APCDD1L: variants seen among roughly 807,000 people sequenced by gnomAD.
APCDD1L encodes the protein APC down-regulated 1 like.
A neutral mutation model predicts 24.2 loss-of-function variants in APCDD1L; 21 were observed. The ratio of observed to expected loss-of-function variants is 0.87; its 90% CI spans 0.61 to 1.25. The LOEUF is 1.25. Among genes scored for constraint, APCDD1L ranks in the 50% most tolerant of loss-of-function variants. The probability of loss-of-function intolerance (pLI) is 0.00; values close to 1 mark genes in which losing one functional copy is unlikely to be tolerated. For synonymous variants in APCDD1L, 321 were observed against 323.6 expected, an observed-to-expected ratio of 0.99 and a Z score of 0.09; for missense variants, 704 against 711.7, an observed-to-expected ratio of 0.99 and a Z score of 0.12.
chr20:58,499,682 C>T lies in APCDD1L; in HGVS notation c.49+14977G>A, dbSNP rs1438706180. Reference sequence around the variant, plus strand: ...CTCCTGGCCCCTACCTGCTCCTGCTCTGTGGGCAATGCCCCTTCACACCCT... The same window carrying T: ...CTCCTGGCCCCTACCTGCTCCTGCTTTGTGGGCAATGCCCCTTCACACCCT... On this transcript the variant is annotated intron_variant, in intron 1 of 3. Transcript: ENST00000371149. 2.0e-5 allele frequency among the ~76,000 whole-genome samples: 3 copies of T among 152,220 alleles called. No homozygotes were observed. The East Asian group carries it at 5.8e-4, about 29-fold the overall frequency.
intron 1 of APCDD1L, among the ~76,000 whole-genome samples, chr20:58,496,266 G>A (rs1990319715): frequency 2.0e-5 from 3 of 152,332 alleles, no homozygotes; most frequent in African/African-American, 4.8e-5. Flanking sequence ...AGGGAGCCAG[G>A]CCCCAGGCAA....
At chr20:58,472,365 A>G (rs1406414602) in intron 1 of APCDD1L, among the ~76,000 whole-genome samples, 5 of 152,244 alleles carry the variant, frequency 3.3e-5, no homozygotes, top group Non-Finnish European at 7.3e-5. Context: ...AAACAGGCTC[A>G]GCTCAGAGAT....
intron 1 of APCDD1L, among the ~76,000 whole-genome samples, chr20:58,506,490 A>G (rs146217623): frequency 0.011 from 1,623 of 152,236 alleles, 17 homozygotes; most frequent in Non-Finnish European, 0.017. Context: ...TCCCACATGG[A>G]CACTCTTATC....
At chr20:58,513,199 C>T (rs1406991860) in intron 1 of APCDD1L, among the ~76,000 whole-genome samples, 5 of 152,182 alleles carry the variant, frequency 3.3e-5, no homozygotes, top group African/African-American at 9.7e-5. Context: ...CCGGTTTCCC[C>T]ATCCTGTCCT....
chr20:58,495,125 C>T (rs1990296747), intron 1 of APCDD1L, among the ~76,000 whole-genome samples: 1 of 152,176 alleles, frequency 6.6e-6, no homozygotes, highest in Non-Finnish European at 1.5e-5. Flanking sequence ...AAAGGGAGGG[C>T]TGAGGACACC....
chr20:58,459,817 C>T lies in APCDD1L; in HGVS notation c.*973G>A, dbSNP rs1002215254. ...CCAAAGATACACATTCGGAGATTCT[C>T]TTCCTTTGTCAGGCAGGCACAGGCA... On this transcript the variant is annotated 3_prime_UTR_variant, in exon 4 of 4. Transcript: ENST00000371149. 6.5e-6 allele frequency: 1 copy of T among 152,768 alleles called. No individual in the cohort carries two copies. Among genetic ancestry groups the T allele is most frequent in the Non-Finnish European group, 1.5e-5 (1 of 68,116 alleles). The allele number at this position is 152,768 out of a possible 1,614,324, so 9.5% of individuals were successfully genotyped here. A position where few individuals can be genotyped will look rare whatever the true frequency, so the allele number is the denominator to read the frequency against.
chr20:58,470,341 C>T (rs569179850), intron 2 of APCDD1L, among the ~76,000 whole-genome samples: 5 of 152,350 alleles, frequency 3.3e-5, no homozygotes, highest in African/African-American at 1.2e-4. Context: ...TGTCCCACTG[C>T]TGACCCCTGG....
chr20:58,467,476 T>C lies in APCDD1L; in HGVS notation c.371A>G (p.Glu124Gly). 1 of 1,598,516 alleles carries C rather than the reference T, an allele frequency of 6.3e-7. No homozygotes were observed. Among genetic ancestry groups the C allele is most frequent in the South Asian group, 1.1e-5 (1 of 88,590 alleles). Residue 124 changes from glutamate (E) to glycine (G), a missense_variant, in exon 3 of 4, where the codon GAG (glutamate) becomes GGG (glycine). Physicochemically the swap from Glu to Gly is moderately conservative, Grantham distance 98. Coordinates refer to ENST00000371149, the MANE Select transcript of APCDD1L (RefSeq NM_153360.3). This position sits in a 1 kb window ranked among gnomAD's most constrained non-coding sequence, Gnocchi z 5.9. ...RASWVTRGAT[E>G]ADYHLHKVGI... The stretch of plus-strand genomic sequence containing the variant: ...CACCTTGTGCAGGTGGTAGTCGGCC[T>C]CGGTGGCTCCCCGGGTGACCCAGGA...
chr20:58,481,831 A>G (rs8125307), intron 1 of APCDD1L, among the ~76,000 whole-genome samples: 3,493 of 152,252 alleles, frequency 0.023, 146 homozygotes, highest in African/African-American at 0.08. Context: ...CTGGTGCCCA[A>G]ACTTTCTTCC....
At chr20:58,483,454 T>G (rs2123159057) in intron 1 of APCDD1L, among the ~76,000 whole-genome samples, 1 of 152,318 alleles carries the variant, frequency 6.6e-6, no homozygotes, top group African/African-American at 2.4e-5. Flanking sequence ...CATTTTACAC[T>G]GGATTAATTT....
At chr20:58,509,017 T>TGG (rs72039810) in intron 1 of APCDD1L, among the ~76,000 whole-genome samples, 1 of 151,414 alleles carries the variant, frequency 6.6e-6, no homozygotes, top group East Asian at 1.9e-4. Context: ...TGTGTGTGTG[T>TGG]GGAGTCAACG....
intron 1 of APCDD1L, among the ~76,000 whole-genome samples, chr20:58,479,418 C>T (rs535494763): frequency 6.4e-4 from 97 of 152,236 alleles, no homozygotes; most frequent in Middle Eastern, 6.8e-3. Flanking sequence ...ATGGAGCATG[C>T]ATGTCACATT....
chr20:58,491,216 C>T (rs961345112), intron 1 of APCDD1L, among the ~76,000 whole-genome samples: 34 of 152,142 alleles, frequency 2.2e-4, no homozygotes, highest in African/African-American at 7.2e-4. Flanking sequence ...AACATGCCTC[C>T]ATCACAATGA....
intron 1 of APCDD1L, among the ~76,000 whole-genome samples, chr20:58,506,930 G>A (rs892815679): frequency 7.2e-5 from 11 of 152,212 alleles, no homozygotes; most frequent in African/African-American, 2.7e-4. Context: ...GTTGAGGCAA[G>A]AAGCTTGGTG....
At chr20:58,506,023 T>C (rs932091744) in intron 1 of APCDD1L, among the ~76,000 whole-genome samples, 6 of 152,312 alleles carry the variant, frequency 3.9e-5, no homozygotes, top group Non-Finnish European at 7.3e-5. Context: ...ATGGCCCCAC[T>C]GATACCTTGA....
At chr20:58,486,858 T>G (rs898443554) in intron 1 of APCDD1L, among the ~76,000 whole-genome samples, 1 of 120,506 alleles carries the variant, frequency 8.3e-6, no homozygotes, top group Non-Finnish European at 1.8e-5. Flanking sequence ...GGGAAGGTTT[T>G]TTTTTTTTTT....
At position 58,460,982 on chromosome 20, in the gene APCDD1L, G is replaced by A. The variant is rs1381161554; in HGVS notation, c.1314C>T (p.Pro438=). 2.5e-6 allele frequency: 4 copies of A among 1,614,012 alleles called. No homozygotes were observed. Among genetic ancestry groups the A allele is most frequent in the South Asian group, 2.2e-5 (2 of 91,094 alleles). ...AGGTGGGACGTTTCTCTGGGGTATC[G>A]GGACTTGAGCCATCGGTGGGCCTTT... The part of the protein sequence containing the change: ...IGQRPTDGSS[P]DTPEKRPTSY... The change falls in exon 4 of 4, where the codon CCC becomes CCT. Residue 438 remains proline (P), a synonymous_variant. Coordinates refer to ENST00000371149, the MANE Select transcript of APCDD1L (RefSeq NM_153360.3). This position sits in a 1 kb window ranked among gnomAD's most constrained non-coding sequence, Gnocchi z 4.2.
Position 58,467,165 on chromosome 20 carries a change from G to T in APCDD1L, c.682C>A (p.Pro228Thr). 1 of 1,607,700 alleles carries T rather than the reference G, an allele frequency of 6.2e-7. No homozygotes were observed. Reference protein sequence around the residue: ...ELYLGDIHTDPAERRHYRPTG... With the variant: ...ELYLGDIHTDTAERRHYRPTG... ...GGCCGGTAGTGCCGCCTCTCCGCCG[G>T]GTCGGTGTGGATGTCCCCCAGGTAC... The change falls in exon 3 of 4, where the codon CCG becomes ACG. Residue 228 changes from proline to threonine, a missense_variant. By Grantham distance (38) the Pro-to-Thr change is conservative (BLOSUM62 -1). Transcript: ENST00000371149. The surrounding 1 kb of genome is among the most constrained non-coding windows in gnomAD (Gnocchi z 5.9).
chr20:58,513,052 T>C (rs1410165933), intron 1 of APCDD1L, among the ~76,000 whole-genome samples: 3 of 152,170 alleles, frequency 2.0e-5, no homozygotes, highest in Non-Finnish European at 4.4e-5. Context: ...GACGGGAAGC[T>C]CCGGCCTGCC....
Sources: allele counts gnomAD v4.1 joint callset (sites outside exome capture counted in the v4.1 genomes callset), GRCh38; gene constraint gnomAD v4.1.1; non-coding constraint Gnocchi (gnomAD v3.1); transcripts MANE v1.5; gene names NCBI Gene and HGNC (gene_info 2026-07-23, HGNC 2026-07-21).